The following ZNF138 variants were observed in gnomAD, a reference collection of about 807,000 sequenced individuals.
ZNF138 encodes the protein zinc finger protein 138, also known as zinc finger protein 138 (clone pHZ-32).
In ZNF138, 33 loss-of-function variants were observed where a neutral mutation model predicts 33.0. That is an observed-to-expected ratio of 1.00 (90% CI 0.76 to 1.34). The LOEUF is 1.34. ZNF138 is among the 40% of genes most tolerant of loss of function. The pLI is 0.00. For synonymous variants in ZNF138, 139 were observed against 120.4 expected (o/e 1.15, Z -1.01); for missense variants, 360 against 370.8 (o/e 0.97, Z 0.24).
At chr7:64,811,940 T>TTG (rs2128998082) in intron 1 of ZNF138, among the ~76,000 whole-genome samples, 1 of 152,314 alleles carries the variant, frequency 6.6e-6, no homozygotes, top group South Asian at 2.1e-4. Flanking sequence ...TCATTAAAGC[T>TTG]TGAGAGGTAA....
At chr7:64,839,018 G>T in the ZNF138 span, among the ~76,000 whole-genome samples, 17 of 152,262 alleles carry the variant, frequency 1.1e-4, no homozygotes, top group Admixed American at 2.6e-4. Context: ...TCAAGGGGAA[G>T]GCTAGCCAGA....
In ZNF138 at chr7:64,801,787, C is replaced by T. The variant is rs186690022; in HGVS notation, c.3+7216C>T. Among the ~76,000 whole-genome samples the T allele has an allele frequency of 2.4e-3, 371 of 152,188 alleles. 3 individuals are homozygous for T. The highest frequency in any genetic ancestry group is 8.5e-3 in the African/African-American group (351 of 41,504). Reference sequence around the variant, plus strand: ...CCCACTATTGTATCAGAATCTAAGTCTCTTCATAAATCTCTAAGAACTTGC... The same window carrying T: ...CCCACTATTGTATCAGAATCTAAGTTTCTTCATAAATCTCTAAGAACTTGC... On this transcript the variant is annotated intron_variant, in intron 1 of 3. Coordinates refer to ENST00000307355, the MANE Select transcript of ZNF138 (RefSeq NM_001271639.2).
rs779334564 is a variant in ZNF138, at chr7:64,814,936, G to T, written c.22G>T (p.Asp8Tyr). The T allele has an allele frequency of 6.2e-7, 1 of 1,613,060 alleles. No homozygotes were observed. The highest frequency in any genetic ancestry group is 8.5e-7 in the Non-Finnish European group (1 of 1,179,400). ...TTTTCAGGGACCACTGACATTTATGGATGTGGCCATAGAGTTCTCTTTGGA... is the reference window on the plus strand; with the variant it reads ...TTTTCAGGGACCACTGACATTTATGTATGTGGCCATAGAGTTCTCTTTGGA... Reference protein sequence around the residue: MGPLTFMDVAIEFSLEEW... With the variant: MGPLTFMYVAIEFSLEEW... The change falls in exon 2 of 4, where the codon GAT (aspartate) becomes TAT (tyrosine). Residue 8 changes from aspartate to tyrosine, a missense_variant. Transcript: ENST00000307355.
rs975234621 is a variant in ZNF138 at position 64,814,931 on chromosome 7, T to A, written c.17T>A (p.Phe6Tyr). ...CGTGTTTTTCAGGGACCACTGACAT[T>A]TATGGATGTGGCCATAGAGTTCTCT... MGPLTFMDVAIEFSLE... is the reference protein window; with the variant it reads MGPLTYMDVAIEFSLE... Residue 6 changes from phenylalanine (F) to tyrosine (Y), a missense_variant, in exon 2 of 4, where the codon TTT becomes TAT. By Grantham distance (22) the Phe-to-Tyr change is conservative. Coordinates refer to ENST00000307355, the MANE Select transcript of ZNF138 (RefSeq NM_001271639.2). 18 of 1,613,002 alleles carry A rather than the reference T, an allele frequency of 1.1e-5. No homozygotes were observed. Among genetic ancestry groups the A allele is most frequent in the Non-Finnish European group, 1.4e-5 (16 of 1,179,410 alleles).
intron 1 of ZNF138, among the ~76,000 whole-genome samples, chr7:64,798,905 GC>G (rs1348734697): frequency 2.1e-5 from 3 of 142,308 alleles, no homozygotes; most frequent in South Asian, 2.2e-4. Flanking sequence ...TGTTCTATGA[GC>G]CTTTTTTTTT....
chr7:64,807,989 C>T (rs1787749702), intron 1 of ZNF138, among the ~76,000 whole-genome samples: 1 of 152,126 alleles, frequency 6.6e-6, no homozygotes, highest in Admixed American at 6.5e-5. Flanking sequence ...ACAGGTGATC[C>T]AGGTTCTGGA....
At chr7:64,794,683 G>T (rs1224481293) in intron 1 of ZNF138, 112 bp downstream of exon 1, 1 of 1,514,046 alleles carries the variant, frequency 6.6e-7, no homozygotes, top group Non-Finnish European at 9.1e-7. Flanking sequence ...CAAAATCCGC[G>T]GCCCCGAGTT....
the ZNF138 span, among the ~76,000 whole-genome samples, chr7:64,859,676 A>G: frequency 1.3e-5 from 2 of 152,234 alleles, no homozygotes; most frequent in African/African-American, 2.4e-5. Context: ...GAGGAGCACA[A>G]TGAGATTTCC....
At chr7:64,796,100 C>T (rs1786666750) in intron 1 of ZNF138, among the ~76,000 whole-genome samples, 1 of 152,200 alleles carries the variant, frequency 6.6e-6, no homozygotes, top group Non-Finnish European at 1.5e-5. Flanking sequence ...GCTGGTCAAT[C>T]AATCATATGC....
chr7:64,838,913 G>A, the ZNF138 span, among the ~76,000 whole-genome samples: 1 of 152,150 alleles, frequency 6.6e-6, no homozygotes, highest in South Asian at 2.1e-4. Context: ...GAGGAAGCAG[G>A]TAGTAAGATG....
At chr7:64,808,921 G>A (rs1486858828) in intron 1 of ZNF138, among the ~76,000 whole-genome samples, 3 of 140,792 alleles carry the variant, frequency 2.1e-5, no homozygotes, top group African/African-American at 7.6e-5. Context: ...AGATCAACAG[G>A]ATCCCAAGGC....
intron 3 of ZNF138, among the ~76,000 whole-genome samples, chr7:64,817,510 T>C (rs901446786): frequency 6.6e-6 from 1 of 152,174 alleles, no homozygotes; most frequent in Non-Finnish European, 1.5e-5. Context: ...AGAGCTCTCT[T>C]AAAAACACTT....
chr7:64,823,012 C>T (rs1400813805), intron 3 of ZNF138, among the ~76,000 whole-genome samples: 1 of 152,080 alleles, frequency 6.6e-6, no homozygotes, highest in Non-Finnish European at 1.5e-5. Flanking sequence ...TCCTGAGTAG[C>T]TGAGATTACA....
intron 3 of ZNF138, among the ~76,000 whole-genome samples, chr7:64,826,651 TAGAC>T (rs1789642402): frequency 6.6e-6 from 1 of 151,974 alleles, no homozygotes; most frequent in Admixed American, 6.6e-5. Flanking sequence ...AATTTTTTTT[TAGAC>T]AGAGTTTCAC....
rs1165361664 is a variant in ZNF138, at chr7:64,821,030, T to G, written c.208+5377T>G. Among the ~76,000 whole-genome samples the G allele has an allele frequency of 6.8e-4, 10 of 14,698 alleles. 1 individual carries two copies. The South Asian group carries it at 0.051, about 74-fold the overall frequency. The allele number at this position is 14,698 out of a possible 152,430, so 9.6% of individuals were successfully genotyped here. On this transcript the variant is annotated intron_variant, in intron 3 of 3. Transcript: ENST00000307355. Reference sequence around the variant, plus strand: ...GATGGCCATTCTAATTGGTGTGAGGTGATTGTTTTTTTTTGTTTTGTTTTT... The same window carrying G: ...GATGGCCATTCTAATTGGTGTGAGGGGATTGTTTTTTTTTGTTTTGTTTTT...
chr7:64,852,461 A>C, the ZNF138 span: 1 of 1,582,686 alleles, frequency 6.3e-7, no homozygotes, highest in Non-Finnish European at 8.7e-7. Flanking sequence ...CTCGATGATC[A>C]GGGGTTTGTC....
intron 1 of ZNF138, among the ~76,000 whole-genome samples, chr7:64,802,066 A>G (rs1787177946): frequency 6.6e-6 from 1 of 152,188 alleles, no homozygotes; most frequent in Non-Finnish European, 1.5e-5. Context: ...GCTTGGTTTT[A>G]TATATTTTAG....
At chr7:64,818,706 T>TG (rs1375224458) in intron 3 of ZNF138, among the ~76,000 whole-genome samples, 2 of 137,532 alleles carry the variant, frequency 1.5e-5, no homozygotes, top group African/African-American at 5.2e-5. Flanking sequence ...GCCGAGATCA[T>TG]GCCTCTGCAC....
intron 1 of ZNF138, among the ~76,000 whole-genome samples, chr7:64,803,423 A>T (rs955998886): frequency 3.9e-5 from 6 of 152,220 alleles, no homozygotes; most frequent in African/African-American, 9.6e-5. Context: ...AGCTCCTTTG[A>T]CAGAAAACAG....
Sources: allele counts gnomAD v4.1 joint callset (sites outside exome capture counted in the v4.1 genomes callset), GRCh38; gene constraint gnomAD v4.1.1; transcripts MANE v1.5; gene names NCBI Gene and HGNC (gene_info 2026-07-23, HGNC 2026-07-21).